The following TET3 variants were observed in gnomAD, a reference collection of about 807,000 sequenced individuals.
TET3 encodes tet methylcytosine dioxygenase 3.
Under a neutral mutation model 141.4 loss-of-function variants are expected in TET3, and 19 were observed. The observed-to-expected ratio is 0.13, with a 90% CI of 0.09 to 0.20. The LOEUF (loss-of-function observed/expected upper bound fraction) is 0.20. Among genes scored for constraint, TET3 ranks in the 10% least tolerant of loss-of-function variants. The pLI is 1.00. For missense variants in TET3, 1,874 were observed against 2,356.9 expected, an observed-to-expected ratio of 0.80 and a Z score of 4.24; for synonymous variants, 1,043 against 980.9, an observed-to-expected ratio of 1.06 and a Z score of -1.18.
Position 74,102,331 on chromosome 2 carries a change from T to G in TET3, c.*155T>G. The G allele has an allele frequency of 1.7e-6, 2 of 1,183,564 alleles. No individual in the cohort carries two copies. The highest frequency in any genetic ancestry group is 2.1e-6 in the Non-Finnish European group (2 of 940,754). The allele number at this position is 1,183,564 out of a possible 1,614,324, so 73.3% of individuals were successfully genotyped here. A position where few individuals can be genotyped will look rare whatever the true frequency, so the allele number is the denominator to read the frequency against. On this transcript the variant is annotated 3_prime_UTR_variant, in exon 12 of 12. Transcript: ENST00000409262. ...GCATATCATATATATGTATTTATGG[T>G]CCAAACCTCAGAACTGACCCGCCCC...
the TET3 span, chr2:74,122,550 G>T: frequency 1.1e-5 from 1 of 94,258 alleles, no homozygotes; most frequent in Non-Finnish European, 2.0e-5. Flanking sequence ...GTCTTGCTCT[G>T]TTACCCAGGC....
At chr2:74,094,055 C>T (rs1690662015) in intron 10 of TET3, among the ~76,000 whole-genome samples, 1 of 152,224 alleles carries the variant, frequency 6.6e-6, no homozygotes, top group African/African-American at 2.4e-5. Context: ...CACTGCTCTG[C>T]ATGCTGCGGG....
intron 5 of TET3, among the ~76,000 whole-genome samples, chr2:74,078,379 A>C (rs1475456396): frequency 4.6e-5 from 7 of 152,188 alleles, no homozygotes; most frequent in Non-Finnish European, 8.8e-5. Context: ...GTATATAGAG[A>C]AGTTTTAAAC....
At position 74,046,270 on chromosome 2, in the gene TET3, C is replaced by T. The variant is rs771609920; in HGVS notation, c.361-8C>T. 2 of 1,491,602 alleles carry T rather than the reference C, an allele frequency of 1.3e-6. No homozygotes were observed. The allele number at this position is 1,491,602 out of a possible 1,614,324, so 92.4% of individuals were successfully genotyped here. On this transcript the variant is annotated splice_polypyrimidine_tract_variant and splice_region_variant and intron_variant, in intron 3 of 11. Coordinates refer to ENST00000409262, the MANE Select transcript of TET3 (RefSeq NM_001287491.2). The surrounding 1 kb of genome is among the most constrained non-coding windows in gnomAD (Gnocchi z 4.3). ...TTTTTCCTTTTTCCCCCTTCTCTCT[C>T]TCTTTAGACAGGCTCAGAGCTCAGC...
rs1402279826 is a variant in TET3, at chr2:74,106,917, G to T, written c.*4741G>T. ...GATAGCGGAACGCCGAAAGGAAGGAGCGTAGTTGGCTGTATTTCATGTTTA... is the reference window on the plus strand; with the variant it reads ...GATAGCGGAACGCCGAAAGGAAGGATCGTAGTTGGCTGTATTTCATGTTTA... On this transcript the variant is annotated 3_prime_UTR_variant, in exon 12 of 12. Coordinates refer to ENST00000409262, the MANE Select transcript of TET3 (RefSeq NM_001287491.2). 6.6e-6 allele frequency: 1 copy of T among 152,222 alleles called. No individual in the cohort carries two copies. Among genetic ancestry groups the T allele is most frequent in the Admixed American group, 6.5e-5 (1 of 15,286 alleles). 9.4% of individuals were successfully genotyped at this position (152,222 alleles called of 1,614,324 possible). A position where few individuals can be genotyped will look rare whatever the true frequency, so the allele number is the denominator to read the frequency against.
chr2:74,077,934 C>T (rs1172100883), intron 5 of TET3, among the ~76,000 whole-genome samples: 1 of 152,212 alleles, frequency 6.6e-6, no homozygotes, highest in East Asian at 1.9e-4. Flanking sequence ...TGAAAGTTGT[C>T]CAGGAACCAG....
chr2:74,073,462 A>G (rs1049299399), intron 4 of TET3, 87 bp from the exon 5 acceptor site: 3 of 1,004,764 alleles, frequency 3.0e-6, no homozygotes, highest in South Asian at 1.6e-5. Context: ...TAGCATGCCT[A>G]TTAACTTTCC....
At chr2:74,002,722 C>T (rs1369050729) in intron 2 of TET3, 1 of 496,116 alleles carries the variant, frequency 2.0e-6, no homozygotes, top group African/African-American at 2.0e-5. Context: ...GCCTCCTCTG[C>T]AGTGCCTCCC....
intron 3 of TET3, among the ~76,000 whole-genome samples, chr2:74,013,032 A>G (rs956646736): frequency 2.1e-5 from 3 of 142,226 alleles, no homozygotes; most frequent in East Asian, 2.0e-4. Context: ...GTCTTGCTCT[A>G]TTGCCAGGCT....
chr2:74,131,137 A>AG, the TET3 span, among the ~76,000 whole-genome samples: 2 of 152,310 alleles, frequency 1.3e-5, no homozygotes, highest in South Asian at 4.1e-4. Context: ...GCAGGGACCC[A>AG]GGAAGGGATA....
intron 6 of TET3, among the ~76,000 whole-genome samples, chr2:74,084,252 A>G (rs571070043): frequency 6.6e-6 from 1 of 152,370 alleles, no homozygotes. Flanking sequence ...AGGACATTAC[A>G]TTAAGTGAAA....
Position 74,048,052 on chromosome 2 carries a change from G to T in TET3, c.2135G>T (p.Arg712Leu), listed in dbSNP as rs57955681. The part of the protein sequence containing the change: ...PADDKLEELI[R>L]QFEAEFGDSF... ...GATGACAAGCTGGAAGAGCTCATCCGGCAGTTTGAGGCTGAATTTGGAGAT... is the reference window on the plus strand; with the variant it reads ...GATGACAAGCTGGAAGAGCTCATCCTGCAGTTTGAGGCTGAATTTGGAGAT... The change falls in exon 4 of 12, where the codon CGG becomes CTG. Residue 712 changes from arginine to leucine, a missense_variant. Transcript: ENST00000409262. 32 of 1,611,738 alleles carry T rather than the reference G, an allele frequency of 2.0e-5. No homozygotes were observed. The South Asian group carries it at 3.4e-4, about 17-fold the overall frequency.
chr2:74,069,589 C>CT (rs929624713), intron 4 of TET3, among the ~76,000 whole-genome samples: 78 of 147,744 alleles, frequency 5.3e-4, no homozygotes, highest in African/African-American at 1.2e-3. Flanking sequence ...CCTTTCTTAT[C>CT]TTTTTTTTTT....
chr2:74,025,269 T>TA (rs1686275325), intron 3 of TET3, among the ~76,000 whole-genome samples: 1 of 150,054 alleles, frequency 6.7e-6, no homozygotes, highest in South Asian at 2.1e-4. Context: ...TGTCCTTTAC[T>TA]ACTAAATAGT....
At chr2:74,091,098 G>A (rs950613048) in intron 8 of TET3, among the ~76,000 whole-genome samples, 1 of 152,114 alleles carries the variant, frequency 6.6e-6, no homozygotes, top group Non-Finnish European at 1.5e-5. Flanking sequence ...AGAACTCTTT[G>A]TTTACCCCAG....
the TET3 span, chr2:74,123,219 T>A: frequency 6.6e-6 from 1 of 152,210 alleles, no homozygotes; most frequent in Non-Finnish European, 1.5e-5. Flanking sequence ...ATGCCAAAGG[T>A]GCTAACATGT....
chr2:74,027,681 G>C (rs1307483036), intron 3 of TET3, among the ~76,000 whole-genome samples: 1 of 152,146 alleles, frequency 6.6e-6, no homozygotes, highest in Non-Finnish European at 1.5e-5. Flanking sequence ...CCATGTTGTA[G>C]CCTGTGTCAA....
At position 74,093,728 on chromosome 2, in the gene TET3, G is replaced by A. The variant is rs1253127167; in HGVS notation, c.3267+62G>A. The A allele has an allele frequency of 7.5e-6, 11 of 1,469,230 alleles. No individual in the cohort carries two copies. The South Asian group carries it at 1.1e-4, about 15-fold the overall frequency. The allele number at this position is 1,469,230 out of a possible 1,614,324, so 91.0% of individuals were successfully genotyped here. A position where few individuals can be genotyped will look rare whatever the true frequency, so the allele number is the denominator to read the frequency against. On this transcript the variant is annotated intron_variant, in intron 10 of 11. Transcript: ENST00000409262. The surrounding 1 kb of genome is among the most constrained non-coding windows in gnomAD (Gnocchi z 4.2). The stretch of plus-strand genomic sequence containing the variant: ...CAACTGTGGGAGGGAGTCCACCGTG[G>A]TCTTTTCAGAAAGGCAGGCTGAGGG...
At chr2:74,071,355 C>A (rs1042032822) in intron 4 of TET3, among the ~76,000 whole-genome samples, 1 of 152,224 alleles carries the variant, frequency 6.6e-6, no homozygotes, top group Non-Finnish European at 1.5e-5. Context: ...CTCTTGCAGA[C>A]AGTGTTGCTG....
Sources: gnomAD v4.1 joint callset for allele counts (sites outside exome capture counted in the v4.1 genomes callset) on GRCh38, gnomAD v4.1.1 for gene constraint, Gnocchi (gnomAD v3.1) non-coding constraint, MANE v1.5 for transcripts, NCBI Gene and HGNC (gene_info 2026-07-23, HGNC 2026-07-21) for gene names.